SMAP1: variants seen among roughly 807,000 people sequenced by gnomAD.
The protein encoded by SMAP1 is small ArfGAP 1, also known as stromal membrane-associated protein 1.
Under a neutral mutation model 58.5 loss-of-function variants are expected in SMAP1, and 24 were observed. That is an observed-to-expected ratio of 0.41 (90% CI 0.30 to 0.58). The LOEUF is 0.58. Among genes scored for constraint, SMAP1 ranks in the 20% least tolerant of loss-of-function variants. The pLI is 0.29. For missense variants in SMAP1, 563 were observed against 566.3 expected, an observed-to-expected ratio of 0.99 and a Z score of 0.06; for synonymous variants, 216 against 196.6, an observed-to-expected ratio of 1.10 and a Z score of -0.82.
At chr6:70,746,432 T>G (rs1036912062) in intron 2 of SMAP1, among the ~76,000 whole-genome samples, 1 of 152,236 alleles carries the variant, frequency 6.6e-6, no homozygotes, top group African/African-American at 2.4e-5. Flanking sequence ...GAGATAATCA[T>G]GTGGTTTTTG....
intron 3 of SMAP1, among the ~76,000 whole-genome samples, chr6:70,763,095 T>C (rs907387075): frequency 2.8e-5 from 4 of 145,398 alleles, no homozygotes; most frequent in Non-Finnish European, 6.0e-5. Context: ...ATTTGCACTG[T>C]ACAGATATTA....
chr6:70,781,784 G>A (rs1281934320), intron 4 of SMAP1, among the ~76,000 whole-genome samples: 1 of 152,134 alleles, frequency 6.6e-6, no homozygotes, highest in South Asian at 2.1e-4. Flanking sequence ...TTCAAAGGGT[G>A]TTTGTTCACC....
chr6:70,785,664 C>T (rs1478056398), intron 4 of SMAP1, among the ~76,000 whole-genome samples: 8 of 152,180 alleles, frequency 5.3e-5, no homozygotes, highest in East Asian at 3.8e-4. Flanking sequence ...TCAGAGAATA[C>T]GACAAACACC....
At chr6:70,764,780 A>T (rs1766894515) in intron 3 of SMAP1, among the ~76,000 whole-genome samples, 1 of 152,150 alleles carries the variant, frequency 6.6e-6, no homozygotes. Context: ...CCCATGGATA[A>T]AGGAGTAGTT....
intron 1 of SMAP1, among the ~76,000 whole-genome samples, chr6:70,700,413 C>T (rs1767582199): frequency 1.3e-5 from 2 of 152,174 alleles, no homozygotes; most frequent in Non-Finnish European, 2.9e-5. Context: ...ATTCTTGTGC[C>T]TCAGCCTCCA....
intron 6 of SMAP1, among the ~76,000 whole-genome samples, chr6:70,830,390 C>T (rs959235679): frequency 6.6e-6 from 1 of 152,158 alleles, no homozygotes; most frequent in Non-Finnish European, 1.5e-5. Context: ...TAAATCCTAA[C>T]AAGATAATAG....
intron 1 of SMAP1, among the ~76,000 whole-genome samples, chr6:70,681,177 G>C (rs1373098762): frequency 6.6e-6 from 1 of 152,062 alleles, no homozygotes; most frequent in Admixed American, 6.6e-5. Context: ...CCAGCACTTT[G>C]GGAGGCCAAC....
At chr6:70,847,396 C>T (rs1351696084) in intron 7 of SMAP1, among the ~76,000 whole-genome samples, 1 of 152,118 alleles carries the variant, frequency 6.6e-6, no homozygotes. Context: ...CTTTTCCTGT[C>T]GGTTTCTCAT....
rs1252618234 is a variant in SMAP1 at position 70,667,891 on chromosome 6, C to T, written c.-133C>T. ...CGCCGCCGCCGCCCCTCCTCCCGTT[C>T]CAGCTGCCGCTGCCGCTTCCTGGGC... On this transcript the variant is annotated 5_prime_UTR_variant, in exon 1 of 11. Coordinates refer to ENST00000370455, the MANE Select transcript of SMAP1 (RefSeq NM_001044305.3). 4.5e-6 allele frequency: 3 copies of T among 665,032 alleles called. No homozygotes were observed. Among genetic ancestry groups the T allele is most frequent in the South Asian group, 4.7e-5 (2 of 42,838 alleles). The allele number at this position is 665,032 out of a possible 1,614,324, so 41.2% of individuals were successfully genotyped here. A position where few individuals can be genotyped will look rare whatever the true frequency, so the allele number is the denominator to read the frequency against.
intron 1 of SMAP1, among the ~76,000 whole-genome samples, chr6:70,695,194 G>GT (rs1296939101): frequency 1.3e-5 from 2 of 152,128 alleles, no homozygotes; most frequent in Admixed American, 6.6e-5. Context: ...AGGGTCTTTA[G>GT]TTTTTTCTAA....
chr6:70,729,497 G>GTGTGTA (rs1554194460), intron 1 of SMAP1, among the ~76,000 whole-genome samples: 1 of 147,996 alleles, frequency 6.8e-6, no homozygotes, highest in African/African-American at 2.5e-5. Flanking sequence ...GTGTGTGTAT[G>GTGTGTA]TGTGTATGTA....
intron 6 of SMAP1, among the ~76,000 whole-genome samples, chr6:70,808,792 G>A (rs945208231): frequency 3.3e-5 from 5 of 151,010 alleles, no homozygotes; most frequent in African/African-American, 4.9e-5. Context: ...CTGGTTTCTC[G>A]CCTACATTAG....
chr6:70,813,568 C>G (rs1329259583), intron 6 of SMAP1, among the ~76,000 whole-genome samples: 1 of 151,802 alleles, frequency 6.6e-6, no homozygotes, highest in African/African-American at 2.4e-5. Context: ...TTTGATAAAT[C>G]ATTTTTTACC....
chr6:70,756,962 C>G (rs568763429), intron 3 of SMAP1, among the ~76,000 whole-genome samples: 1 of 152,060 alleles, frequency 6.6e-6, no homozygotes, highest in Admixed American at 6.5e-5. Context: ...TTTACAGATT[C>G]AATGCCATCC....
intron 1 of SMAP1, among the ~76,000 whole-genome samples, chr6:70,681,214 T>C (rs1472128214): frequency 2.0e-5 from 3 of 151,688 alleles, no homozygotes; most frequent in Non-Finnish European, 4.4e-5. Flanking sequence ...AGCCCAGAAG[T>C]TCAAGGCCAG....
chr6:70,840,007 T>C (rs968473180), intron 7 of SMAP1, among the ~76,000 whole-genome samples: 1 of 152,148 alleles, frequency 6.6e-6, no homozygotes, highest in Non-Finnish European at 1.5e-5. Context: ...TCTCCTCCAA[T>C]GGGACCCTGG....
At chr6:70,812,549 AT>A (rs1329842536) in intron 6 of SMAP1, among the ~76,000 whole-genome samples, 1 of 152,150 alleles carries the variant, frequency 6.6e-6, no homozygotes, top group Non-Finnish European at 1.5e-5. Context: ...AGAGTACTGC[AT>A]TTATTTGAAA....
At chr6:70,787,768 T>C (rs1480640678) in intron 4 of SMAP1, among the ~76,000 whole-genome samples, 8 of 151,658 alleles carry the variant, frequency 5.3e-5, no homozygotes, top group Non-Finnish European at 1.0e-4. Flanking sequence ...TCACACCAGT[T>C]AGAATGGCAA....
At chr6:70,755,835 AG>A (rs139015105) in intron 3 of SMAP1, among the ~76,000 whole-genome samples, 3,560 of 152,082 alleles carry the variant, frequency 0.023, 51 homozygotes, top group Non-Finnish European at 0.037. Flanking sequence ...TTTATATAGT[AG>A]TTATATTTAT....
Sources: gnomAD v4.1 joint callset for allele counts (sites outside exome capture counted in the v4.1 genomes callset) on GRCh38, gnomAD v4.1.1 for gene constraint, MANE v1.5 for transcripts, NCBI Gene and HGNC (gene_info 2026-07-23, HGNC 2026-07-21) for gene names.